Variants in ATRX observed in about 807,000 individuals in gnomAD.
ATRX encodes ATRX chromatin remodeler.
Under a neutral mutation model 172.6 loss-of-function variants are expected in ATRX, and 12 were observed. The ratio of observed to expected loss-of-function variants is 0.07; its 90% CI spans 0.04 to 0.11. The LOEUF is 0.11. ATRX is among the 10% of genes least tolerant of loss of function. ATRX has a pLI of 1.00. For synonymous variants in ATRX, 674 were observed against 594.7 expected (o/e 1.13, Z -1.94); for missense variants, 1,368 against 1,767.4 (o/e 0.77, Z 4.05).
At chrX:77,636,126 G>T in intron 15 of ATRX, 70 bp from the exon 16 acceptor site, 1 of 1,097,608 alleles carries the variant, frequency 9.1e-7, no homozygotes. Context: ...TCTTACCAAG[G>T]GAGATTTTCC....
At chrX:77,739,277 T>C (rs1012741609) in intron 1 of ATRX, among the ~76,000 whole-genome samples, 2 of 110,460 alleles carry the variant, frequency 1.8e-5, no homozygotes, top group East Asian at 2.8e-4. Flanking sequence ...CTTAGAATAA[T>C]AGTCTCCAAT....
At chrX:77,626,957 G>A (rs1248991121) in intron 19 of ATRX, among the ~76,000 whole-genome samples, 1 of 112,202 alleles carries the variant, frequency 8.9e-6, no homozygotes, top group Non-Finnish European at 1.9e-5. Context: ...CAGGCGCGGT[G>A]GCTCACGCCT....
chrX:77,662,731 C>T (rs1374775237), intron 12 of ATRX, among the ~76,000 whole-genome samples: 1 of 110,783 alleles, frequency 9.0e-6, no homozygotes, highest in African/African-American at 3.3e-5. Context: ...CTCGCTCTGC[C>T]GCTCAAGTTG....
At chrX:77,732,306 C>T (rs1459408846) in intron 1 of ATRX, among the ~76,000 whole-genome samples, 5 of 111,927 alleles carry the variant, frequency 4.5e-5, no homozygotes, top group African/African-American at 1.3e-4. Context: ...GGGTTGAGCA[C>T]GGCAGGCTGA....
Position 77,678,244 on chromosome X carries a change from C to G in ATRX, c.3737-1946G>C, listed in dbSNP as rs1392507391. On this transcript the variant is annotated intron_variant, in intron 9 of 34. Transcript: ENST00000373344. ...CTCAAAAAAAAAAAAAAGAGACAGA[C>G]AGAGAGAGAGAAGAGATTTCATAAT... Among the ~76,000 whole-genome samples, 7 of 84,201 alleles carry G rather than the reference C, an allele frequency of 8.3e-5. No individual in the cohort carries two copies. In the East Asian group the frequency reaches 1.1e-3, roughly 14 times the overall value. 73.1% of individuals were successfully genotyped at this position (84,201 alleles called of 115,157 possible). A position where few individuals can be genotyped will look rare whatever the true frequency, so the allele number is the denominator to read the frequency against.
intron 10 of ATRX, chrX:77,674,773 T>TA (rs1467996462): frequency 4.5e-5 from 5 of 111,340 alleles, no homozygotes; most frequent in African/African-American, 1.6e-4. Flanking sequence ...TAAAGCATCT[T>TA]AAAAAAGAGT....
chrX:77,609,094 C>T (rs1239108193), intron 22 of ATRX, among the ~76,000 whole-genome samples: 3 of 111,237 alleles, frequency 2.7e-5, no homozygotes, highest in African/African-American at 9.8e-5. Context: ...CAAACGCTGG[C>T]GAGGAGGTGG....
intron 30 of ATRX, among the ~76,000 whole-genome samples, chrX:77,550,416 A>C (rs868932013): frequency 3.1e-4 from 34 of 111,425 alleles, no homozygotes; most frequent in South Asian, 7.5e-4. Flanking sequence ...AAATTCAACA[A>C]CCTTCATGCT....
intron 1 of ATRX, among the ~76,000 whole-genome samples, chrX:77,762,437 T>C (rs2075753499): frequency 9.0e-6 from 1 of 110,834 alleles, no homozygotes; most frequent in African/African-American, 3.3e-5. Context: ...TATATATTAC[T>C]TGTACATAGC....
At chrX:77,698,436 A>C (rs934744448) in intron 3 of ATRX, 138 bp downstream of exon 3, 1 of 505,161 alleles carries the variant, frequency 2.0e-6, no homozygotes, top group Non-Finnish European at 3.3e-6. Context: ...CTCAAACTGG[A>C]AAACAACGAA....
chrX:77,604,201 GAACA>G (rs782356776), intron 22 of ATRX, among the ~76,000 whole-genome samples: 43 of 112,090 alleles, frequency 3.8e-4, no homozygotes, highest in Middle Eastern at 4.6e-3. Flanking sequence ...TTAACTGAGT[GAACA>G]AACAATCTGC....
intron 1 of ATRX, among the ~76,000 whole-genome samples, chrX:77,735,835 A>AAAAT (rs781793060): frequency 1.2e-5 from 1 of 86,761 alleles, no homozygotes; most frequent in East Asian, 3.9e-4. Context: ...TAAATAAATA[A>AAAAT]AAATAAATAA....
chrX:77,550,594 T>C (rs1170505285), intron 30 of ATRX, among the ~76,000 whole-genome samples: 5 of 111,197 alleles, frequency 4.5e-5, no homozygotes. Context: ...CTATTCAACA[T>C]AGTGTTGGAA....
rs2148496173 is a variant in ATRX, at chrX:77,664,638, AGCTC to A, written c.3943+3_3943+6del. ...TGACATTATAAACTTCTCTCTGGGG[AGCTC>A]ACCCTCATCTCCTGGGTTTTCTTCA... On this transcript the variant is annotated splice_donor_5th_base_variant and intron_variant, in intron 11 of 34. Coordinates refer to ENST00000373344, the MANE Select transcript of ATRX (RefSeq NM_000489.6). The A allele has an allele frequency of 8.3e-7, 1 of 1,208,564 alleles. No homozygotes were observed. The highest frequency in any genetic ancestry group is 3.0e-5 in the East Asian group (1 of 33,703).
At chrX:77,612,651 T>G (rs886526626) in intron 22 of ATRX, among the ~76,000 whole-genome samples, 20 of 111,969 alleles carry the variant, frequency 1.8e-4, no homozygotes, top group African/African-American at 6.5e-4. Flanking sequence ...TGAGTGGCAT[T>G]AAGTATAATC....
intron 21 of ATRX, 59 bp downstream of exon 21, chrX:77,618,747 T>G (rs1159971668): frequency 3.8e-6 from 4 of 1,057,116 alleles, no homozygotes; most frequent in Admixed American, 4.5e-5. Context: ...TCAGAAAATA[T>G]GTTGGGATTG....
At chrX:77,589,785 TTTA>T (rs2066168326) in intron 27 of ATRX, 46 bp downstream of exon 27, 1 of 1,060,376 alleles carries the variant, frequency 9.4e-7, no homozygotes, top group Non-Finnish European at 1.3e-6. Flanking sequence ...GTATGGTATG[TTTA>T]AATCAGTATT....
intron 30 of ATRX, 72 bp from the exon 31 acceptor site, chrX:77,523,473 T>C (rs1694736238): frequency 8.6e-6 from 9 of 1,048,100 alleles, no homozygotes; most frequent in African/African-American, 3.7e-5. Flanking sequence ...CATAGTTCTA[T>C]GGTCAACTGT....
At chrX:77,695,435 T>A (rs1379979986) in intron 5 of ATRX, among the ~76,000 whole-genome samples, 1 of 111,557 alleles carries the variant, frequency 9.0e-6, no homozygotes, top group South Asian at 3.8e-4. Flanking sequence ...TAACATCATA[T>A]GCTGACTTTC....
Sources: gnomAD v4.1 joint callset for allele counts (sites outside exome capture counted in the v4.1 genomes callset) on GRCh38, gnomAD v4.1.1 for gene constraint, MANE v1.5 for transcripts, NCBI Gene and HGNC (gene_info 2026-07-23, HGNC 2026-07-21) for gene names.